Variants in PRKAG2 observed in about 807,000 individuals in gnomAD.
PRKAG2 encodes 5'-AMP-activated protein kinase subunit gamma-2.
In PRKAG2, 26 loss-of-function variants were observed where a neutral mutation model predicts 69.6. That is an observed-to-expected ratio of 0.37 (90% CI 0.27 to 0.52). The LOEUF is 0.52. Ranked by LOEUF, PRKAG2 falls within the 20% of genes least tolerant of loss-of-function variation. The probability of loss-of-function intolerance (pLI) is 0.90; values close to 1 mark genes in which losing one functional copy is unlikely to be tolerated. For missense variants in PRKAG2, 557 were observed against 740.0 expected (o/e 0.75, Z 2.87); for synonymous variants, 293 against 285.0 (o/e 1.03, Z -0.28).
intron 3 of PRKAG2, among the ~76,000 whole-genome samples, chr7:151,762,171 G>T (rs957362143): frequency 2.0e-5 from 3 of 152,190 alleles, no homozygotes; most frequent in South Asian, 2.1e-4. Context: ...GATGGACTTA[G>T]CGGGAGAAGG....
At chr7:151,609,528 T>G (rs1352240451) in intron 5 of PRKAG2, among the ~76,000 whole-genome samples, 2 of 152,184 alleles carry the variant, frequency 1.3e-5, no homozygotes, top group African/African-American at 4.8e-5. Flanking sequence ...ACGTGTCCTA[T>G]TTATAAAAAT....
At chr7:151,704,589 A>G (rs1318487825) in intron 3 of PRKAG2, among the ~76,000 whole-genome samples, 1 of 152,186 alleles carries the variant, frequency 6.6e-6, no homozygotes, top group Non-Finnish European at 1.5e-5. Context: ...TGAACATTCT[A>G]TACATATGTT....
chr7:151,657,110 C>G (rs924726076), intron 4 of PRKAG2, among the ~76,000 whole-genome samples: 1 of 150,320 alleles, frequency 6.7e-6, no homozygotes, highest in Non-Finnish European at 1.5e-5. Context: ...GCACTCCAGC[C>G]TGGGCGACAC....
At chr7:151,742,453 G>A (rs1243344719) in intron 3 of PRKAG2, among the ~76,000 whole-genome samples, 3 of 151,956 alleles carry the variant, frequency 2.0e-5, no homozygotes, top group Non-Finnish European at 2.9e-5. Flanking sequence ...GTGAAACCCC[G>A]TCTCTACCAA....
chr7:151,572,825 T>C (rs1312938899), intron 8 of PRKAG2, 116 bp from the exon 9 acceptor site: 4 of 694,550 alleles, frequency 5.8e-6, no homozygotes, highest in Non-Finnish European at 4.7e-6. Context: ...AATTAGAAAA[T>C]GAGGCGGCCA....
chr7:151,829,860 T>C (rs981118838), intron 1 of PRKAG2, among the ~76,000 whole-genome samples: 10 of 150,786 alleles, frequency 6.6e-5, no homozygotes, highest in Non-Finnish European at 1.0e-4. Flanking sequence ...GGCAGGAGAG[T>C]CCTGGAGGGG....
chr7:151,653,541 T>G (rs960155937), intron 4 of PRKAG2, among the ~76,000 whole-genome samples: 3 of 152,178 alleles, frequency 2.0e-5, no homozygotes, highest in African/African-American at 7.2e-5. Flanking sequence ...AATTCTTTTT[T>G]AACATGTTAC....
chr7:151,585,058 G>A (rs1811318462), intron 6 of PRKAG2, among the ~76,000 whole-genome samples: 1 of 152,130 alleles, frequency 6.6e-6, no homozygotes, highest in African/African-American at 2.4e-5. Flanking sequence ...GGTAGAAAGC[G>A]AGAGCCACAA....
Position 151,592,990 on chromosome 7 carries a change from T to G in PRKAG2, c.864+2355A>C, listed in dbSNP as rs117255056. Among the ~76,000 whole-genome samples, 70 of 152,372 alleles carry G rather than the reference T, an allele frequency of 4.6e-4. No homozygotes were observed. The East Asian group carries it at 7.1e-3, about 16-fold the overall frequency. ...CCTCTCAACTTAGAGGCTCACAGGA[T>G]AAACGGCTTCCCGGAGATGATGCTC... On this transcript the variant is annotated intron_variant, in intron 6 of 15. Coordinates refer to ENST00000287878, the MANE Select transcript of PRKAG2 (RefSeq NM_016203.4).
At chr7:151,688,775 G>A (rs1049635696) in intron 3 of PRKAG2, among the ~76,000 whole-genome samples, 5 of 152,190 alleles carry the variant, frequency 3.3e-5, no homozygotes, top group Non-Finnish European at 5.9e-5. Flanking sequence ...ATCATCTGAC[G>A]AAACTGATGA....
chr7:151,777,605 G>A lies in PRKAG2; in HGVS notation c.466+3547C>T, dbSNP rs2076444010. On this transcript the variant is annotated intron_variant, in intron 3 of 15. Transcript: ENST00000287878. This position sits in a 1 kb window ranked among gnomAD's most constrained non-coding sequence, Gnocchi z 4.3. Reference sequence around the variant, plus strand: ...CCTCCATGAGTGGAAGCAGCCTGAAGCCCTTGCAAACACCTTGGCAGAGAT... The same window carrying A: ...CCTCCATGAGTGGAAGCAGCCTGAAACCCTTGCAAACACCTTGGCAGAGAT... Among the ~76,000 whole-genome samples, 1 of 152,214 alleles carries A rather than the reference G, an allele frequency of 6.6e-6. No individual in the cohort carries two copies. Among genetic ancestry groups the A allele is most frequent in the Non-Finnish European group, 1.5e-5 (1 of 68,046 alleles).
At chr7:151,662,424 C>T (rs1481919658) in intron 4 of PRKAG2, among the ~76,000 whole-genome samples, 2 of 152,204 alleles carry the variant, frequency 1.3e-5, no homozygotes, top group Non-Finnish European at 2.9e-5. Flanking sequence ...CCCTAGAGTC[C>T]TCTTCCCACA....
chr7:151,695,003 G>A (rs1031442009), intron 3 of PRKAG2, among the ~76,000 whole-genome samples: 1 of 152,236 alleles, frequency 6.6e-6, no homozygotes, highest in African/African-American at 2.4e-5. Context: ...CAGCAGGCCC[G>A]GGCAGGGAGG....
intron 5 of PRKAG2, among the ~76,000 whole-genome samples, chr7:151,610,739 CTTTTT>C (rs10523596): frequency 9.5e-6 from 1 of 105,568 alleles, no homozygotes; most frequent in Non-Finnish European, 1.9e-5. Context: ...TTTTTCTTTT[CTTTTT>C]TTTTTTTTTT....
At chr7:151,832,106 C>A (rs2079038106) in intron 1 of PRKAG2, among the ~76,000 whole-genome samples, 1 of 152,096 alleles carries the variant, frequency 6.6e-6, no homozygotes, top group African/African-American at 2.4e-5. Context: ...AACCCAGACT[C>A]TTCTGAGGCC....
intron 6 of PRKAG2, among the ~76,000 whole-genome samples, 166 bp from the exon 7 acceptor site, chr7:151,576,618 A>C (rs1036908292): frequency 1.3e-5 from 2 of 152,102 alleles, no homozygotes; most frequent in African/African-American, 2.4e-5. Flanking sequence ...CTCTCACCTC[A>C]GCCTCCCGAG....
At position 151,574,945 on chromosome 7, in the gene PRKAG2, C is replaced by T. The variant is rs1163451844; in HGVS notation, c.951G>A (p.Met317Ile). 1 of 1,612,100 alleles carries T rather than the reference C, an allele frequency of 6.2e-7. No homozygotes were observed. ...TATTTATGAAATCTGTAATTGTTAGCATTCCTGGAACAAAGAATTACATGT... is the reference window on the plus strand; with the variant it reads ...TATTTATGAAATCTGTAATTGTTAGTATTCCTGGAACAAAGAATTACATGT... ...WESKKQSFVG[M>I]LTITDFINIL... Residue 317 changes from methionine (M) to isoleucine (I), a missense_variant, in exon 8 of 16, where the codon ATG becomes ATA. Met to Ile is a conservative substitution (Grantham distance 10). Around this residue, in one of 2 missense-constraint regions of PRKAG2, gnomAD observed 205 missense variants for 383.4 expected, o/e 0.53. Coordinates refer to ENST00000287878, the MANE Select transcript of PRKAG2 (RefSeq NM_016203.4).
chr7:151,832,873 C>G (rs922622298), intron 1 of PRKAG2, among the ~76,000 whole-genome samples: 1 of 152,172 alleles, frequency 6.6e-6, no homozygotes, highest in Non-Finnish European at 1.5e-5. Flanking sequence ...AGGGAGGCCC[C>G]GTGCCCTGAC....
At chr7:151,591,787 A>G (rs1813200812) in intron 6 of PRKAG2, among the ~76,000 whole-genome samples, 1 of 152,102 alleles carries the variant, frequency 6.6e-6, no homozygotes. Context: ...GCCTCCACCA[A>G]AAGGAAATTT....
Sources: allele counts gnomAD v4.1 joint callset (sites outside exome capture counted in the v4.1 genomes callset), GRCh38; gene constraint gnomAD v4.1.1; regional missense constraint gnomAD v4.1.1; non-coding constraint Gnocchi (gnomAD v3.1); transcripts MANE v1.5; gene names NCBI Gene and HGNC (gene_info 2026-07-23, HGNC 2026-07-21).